The following MYO9A variants were observed in gnomAD, a reference collection of about 807,000 sequenced individuals.
MYO9A encodes the protein unconventional myosin-IXa.
Under a neutral mutation model 293.3 loss-of-function variants are expected in MYO9A, and 103 were observed. The observed-to-expected ratio is 0.35, with a 90% confidence interval of 0.30 to 0.41. MYO9A has a LOEUF of 0.41. MYO9A is among the 10% of genes least tolerant of loss of function. MYO9A has a pLI of 1.00. For missense variants in MYO9A, 2,685 were observed against 3,033.0 expected (o/e 0.89, Z 2.69); for synonymous variants, 1,001 against 1,035.7 (o/e 0.97, Z 0.64).
intron 13 of MYO9A, among the ~76,000 whole-genome samples, chr15:71,962,895 T>C (rs898007801): frequency 6.6e-6 from 1 of 152,228 alleles, no homozygotes; most frequent in Non-Finnish European, 1.5e-5. Context: ...TCTGTCTTCA[T>C]ATTTCTAGAT....
At chr15:71,892,991 G>A in intron 26 of MYO9A, 1 of 1,285,086 alleles carries the variant, frequency 7.8e-7, no homozygotes, top group Non-Finnish European at 1.0e-6. Flanking sequence ...TGAGAGGCCT[G>A]ACCCAGGCTG....
intron 39 of MYO9A, among the ~76,000 whole-genome samples, chr15:71,842,020 T>C (rs995165185): frequency 1.3e-5 from 2 of 152,086 alleles, no homozygotes; most frequent in East Asian, 3.9e-4. Context: ...ATAAGAACTC[T>C]CTTTCTCTCT....
At chr15:71,892,725 T>C (rs2057214102) in intron 26 of MYO9A, 1 of 248,332 alleles carries the variant, frequency 4.0e-6, no homozygotes, top group Non-Finnish European at 7.9e-6. Flanking sequence ...GGATACAACA[T>C]GGAAAATTTC....
At chr15:71,999,962 T>C in intron 8 of MYO9A, 22 bp from the exon 9 acceptor site, 1 of 1,569,756 alleles carries the variant, frequency 6.4e-7, no homozygotes, top group South Asian at 1.1e-5. Flanking sequence ...AAAAGTAAAC[T>C]CAATATGTAA....
intron 1 of MYO9A, among the ~76,000 whole-genome samples, chr15:72,061,843 A>C (rs1449679184): frequency 6.6e-6 from 1 of 152,026 alleles, no homozygotes; most frequent in Non-Finnish European, 1.5e-5. Context: ...CACTCAACAA[A>C]CATCAATAGT....
chr15:71,997,593 G>A lies in MYO9A; in HGVS notation c.1470+2258C>T, dbSNP rs777564293. ...CAGCCCAGGTAAGAGTGCGAGACTC[G>A]TCTCAAAAAAAATAAATGAATACAC... On this transcript the variant is annotated intron_variant, in intron 9 of 41. Coordinates refer to ENST00000356056, the MANE Select transcript of MYO9A (RefSeq NM_006901.4). Among the ~76,000 whole-genome samples, 14 of 151,378 alleles carry A rather than the reference G, an allele frequency of 9.2e-5. No homozygotes were observed. The South Asian group carries it at 1.0e-3, about 11-fold the overall frequency.
Position 71,902,960 on chromosome 15 carries a change from T to A in MYO9A, c.2981A>T (p.Tyr994Phe), listed in dbSNP as rs2057526789. Residue 994 changes from tyrosine (Y) to phenylalanine (F), a missense_variant, in exon 22 of 42, where the codon TAT becomes TTT. Coordinates refer to ENST00000356056, the MANE Select transcript of MYO9A (RefSeq NM_006901.4). ...ATTTACCATGGTTTTTCCAACTTGA[T>A]AATTATCTGGATTAAGATTTATTTT... ...FRKINLNPDN[Y>F]QVGKTMVFLK... 2 of 1,581,368 alleles carry A rather than the reference T, an allele frequency of 1.3e-6. No homozygotes were observed. Among genetic ancestry groups the A allele is most frequent in the African/African-American group, 2.7e-5 (2 of 73,948 alleles).
rs2057392553 is a variant in MYO9A at position 71,898,399 on chromosome 15, A to G, written c.4104T>C (p.Asp1368=). 1.2e-6 allele frequency: 2 copies of G among 1,613,696 alleles called. No homozygotes were observed. Among genetic ancestry groups the G allele is most frequent in the Non-Finnish European group, 1.7e-6 (2 of 1,180,010 alleles). Residue 1368 remains aspartate, a synonymous_variant, in exon 25 of 42, where the codon GAT becomes GAC. Coordinates refer to ENST00000356056, the MANE Select transcript of MYO9A (RefSeq NM_006901.4). ...SPKISSSPKF[D]SRDNALSASN... ...AGGCACTGAGGGCATTGTCCCGTGA[A>G]TCAAATTTTGGACTGCTGGATATCT... is the stretch of plus-strand genomic sequence containing the variant.
At chr15:71,866,319 G>A (rs545477897) in intron 32 of MYO9A, among the ~76,000 whole-genome samples, 2 of 152,200 alleles carry the variant, frequency 1.3e-5, no homozygotes, top group South Asian at 4.2e-4. Flanking sequence ...AAGGATATAT[G>A]TTATACTGTT....
chr15:71,949,674 T>A (rs907537230), intron 15 of MYO9A, among the ~76,000 whole-genome samples: 63 of 151,212 alleles, frequency 4.2e-4, no homozygotes, highest in Non-Finnish European at 7.7e-4. Context: ...TTTTTTTTTT[T>A]AATACGGTTC....
At chr15:71,888,202 G>C (rs1287104646) in intron 26 of MYO9A, 86 bp from the exon 27 acceptor site, 3 of 703,146 alleles carry the variant, frequency 4.3e-6, no homozygotes, top group Non-Finnish European at 7.0e-6. Context: ...AGAATTACTT[G>C]AGCTATTTAA....
intron 37 of MYO9A, 59 bp from the exon 38 acceptor site, chr15:71,850,226 G>A: frequency 6.3e-7 from 1 of 1,585,930 alleles, no homozygotes; most frequent in Non-Finnish European, 8.6e-7. Flanking sequence ...GAGCACCATA[G>A]GGAAATAGGC....
chr15:72,088,844 G>C (rs2079821897), intron 1 of MYO9A, among the ~76,000 whole-genome samples: 1 of 152,148 alleles, frequency 6.6e-6, no homozygotes, highest in African/African-American at 2.4e-5. Context: ...TCTAAATACA[G>C]TCCAGCTAAC....
At chr15:72,104,443 ATTTAATATACGGTAAT>A (rs2080498393) in intron 1 of MYO9A, among the ~76,000 whole-genome samples, 1 of 152,204 alleles carries the variant, frequency 6.6e-6, no homozygotes. Context: ...TAGTATGGTA[ATTTAATATACGGTAAT>A]ATAAGTCTGG....
At chr15:71,853,063 C>T (rs1376924704) in intron 35 of MYO9A, among the ~76,000 whole-genome samples, 1 of 151,934 alleles carries the variant, frequency 6.6e-6, no homozygotes, top group African/African-American at 2.4e-5. Context: ...CATTGTACTA[C>T]AGCCTGGGCA....
At chr15:71,904,576 C>T (rs2057576460) in intron 20 of MYO9A, among the ~76,000 whole-genome samples, 1 of 152,196 alleles carries the variant, frequency 6.6e-6, no homozygotes, top group Non-Finnish European at 1.5e-5. Context: ...CTGCTTGAAA[C>T]CAGGAGGCGG....
At chr15:72,112,260 GCTGT>G (rs1322829154) in intron 1 of MYO9A, among the ~76,000 whole-genome samples, 1 of 152,084 alleles carries the variant, frequency 6.6e-6, no homozygotes, top group Non-Finnish European at 1.5e-5. Flanking sequence ...TAGCAAGCCA[GCTGT>G]CTATGACAGG....
chr15:71,840,571 A>G (rs1439312911), intron 39 of MYO9A, among the ~76,000 whole-genome samples: 12 of 152,214 alleles, frequency 7.9e-5, no homozygotes, highest in Non-Finnish European at 1.6e-4. Flanking sequence ...TACAAAATTT[A>G]GCCTTTCTTT....
chr15:71,983,005 T>C (rs1412028182), intron 11 of MYO9A, among the ~76,000 whole-genome samples: 4 of 152,206 alleles, frequency 2.6e-5, no homozygotes, highest in Admixed American at 6.5e-5. Flanking sequence ...GCTCATCCTT[T>C]TAATCTTTCT....
Sources: gnomAD v4.1 joint callset for allele counts (sites outside exome capture counted in the v4.1 genomes callset) on GRCh38, gnomAD v4.1.1 for gene constraint, MANE v1.5 for transcripts, NCBI Gene and HGNC (gene_info 2026-07-23, HGNC 2026-07-21) for gene names.